The following PCDH15 variants were observed in gnomAD, a reference collection of about 807,000 sequenced individuals.
The protein encoded by PCDH15 is protocadherin-15.
PCDH15 carries 129 observed loss-of-function variants against 178.5 expected under a neutral mutation model. The ratio of observed to expected loss-of-function variants is 0.72; its 90% CI spans 0.63 to 0.84. PCDH15 has a LOEUF of 0.84. Among genes scored for constraint, PCDH15 ranks in the 40% least tolerant of loss-of-function variants. PCDH15 has a pLI of 0.00. For synonymous variants in PCDH15, 800 were observed against 732.0 expected, an observed-to-expected ratio of 1.09 and a Z score of -1.50; for missense variants, 2,230 against 2,099.9, an observed-to-expected ratio of 1.06 and a Z score of -1.21.
chr10:55,496,606 G>A (rs1310898244), intron 2 of PCDH15, among the ~76,000 whole-genome samples: 1 of 151,746 alleles, frequency 6.6e-6, no homozygotes. Context: ...TACAAACCTT[G>A]TGCTGATGAA....
At position 54,354,120 on chromosome 10, in the gene PCDH15, G is replaced by A. The variant is rs565498641; in HGVS notation, c.475-7636C>T. 9.2e-5 allele frequency among the ~76,000 whole-genome samples: 14 copies of A among 152,278 alleles called. No homozygotes were observed. The South Asian group carries it at 2.1e-3, about 23-fold the overall frequency. On this transcript the variant is annotated intron_variant, in intron 5 of 37. Transcript: ENST00000644397. ...CCTGCCTCAGCCTCCCAAGTAGCTG[G>A]GATTACAGGCATGCGCCACCACGCC...
At chr10:54,185,311 T>G in intron 11 of PCDH15, 43 bp from the exon 12 acceptor site, 1 of 1,609,248 alleles carries the variant, frequency 6.2e-7, no homozygotes, top group Non-Finnish European at 8.5e-7. Context: ...GAATAAATAA[T>G]GTAGCTATTA....
Position 54,201,544 on chromosome 10 carries a change from A to C in PCDH15, c.1099-5655T>G, listed in dbSNP as rs115765663. ...ATTTTTCATTAGATTTTTAAATTCCATGAGCATAAACACTGTAAATGTATC... is the reference window on the plus strand; with the variant it reads ...ATTTTTCATTAGATTTTTAAATTCCCTGAGCATAAACACTGTAAATGTATC... On this transcript the variant is annotated intron_variant, in intron 10 of 37. Transcript: ENST00000644397. 6.2e-3 allele frequency among the ~76,000 whole-genome samples: 942 copies of C among 152,192 alleles called. 9 individuals are homozygous for C. Among genetic ancestry groups the C allele is most frequent in the African/African-American group, 0.019 (776 of 41,554 alleles).
chr10:54,528,159 T>C (rs1355910659), intron 2 of PCDH15, among the ~76,000 whole-genome samples: 2 of 151,960 alleles, frequency 1.3e-5, no homozygotes, highest in Non-Finnish European at 2.9e-5. Flanking sequence ...AGGACAGAGA[T>C]AATGGGATGG....
chr10:54,453,303 C>A (rs572885928), intron 3 of PCDH15, among the ~76,000 whole-genome samples: 1 of 152,246 alleles, frequency 6.6e-6, no homozygotes, highest in East Asian at 1.9e-4. Context: ...GGCACATATA[C>A]ACCATGGAAT....
intron 2 of PCDH15, among the ~76,000 whole-genome samples, chr10:54,975,260 G>A (rs375722612): frequency 2.0e-5 from 3 of 152,100 alleles, no homozygotes; most frequent in African/African-American, 7.2e-5. Context: ...TATTCTTGAG[G>A]TCACTCCTTG....
At chr10:54,481,691 A>T (rs952489699) in intron 3 of PCDH15, among the ~76,000 whole-genome samples, 1 of 151,904 alleles carries the variant, frequency 6.6e-6, no homozygotes, top group Non-Finnish European at 1.5e-5. Context: ...ATGGGACTGC[A>T]CATCATTTTA....
At chr10:54,715,077 C>A (rs1286833018) in intron 1 of PCDH15, among the ~76,000 whole-genome samples, 1 of 151,222 alleles carries the variant, frequency 6.6e-6, no homozygotes, top group African/African-American at 2.4e-5. Flanking sequence ...TTTTTTTTCT[C>A]CAAGAGTAAA....
intron 2 of PCDH15, among the ~76,000 whole-genome samples, chr10:54,581,258 A>C (rs1323692748): frequency 6.6e-6 from 1 of 152,128 alleles, no homozygotes; most frequent in Non-Finnish European, 1.5e-5. Flanking sequence ...CAGAATAAAA[A>C]TTCAACATAC....
intron 1 of PCDH15, among the ~76,000 whole-genome samples, chr10:55,285,959 A>C (rs1297682594): frequency 1.3e-5 from 2 of 151,982 alleles, no homozygotes; most frequent in East Asian, 3.9e-4. Context: ...TACACTTGTG[A>C]GAAAAGAAGT....
In PCDH15 at chr10:54,170,534, T is replaced by C. The variant is rs548568055; in HGVS notation, c.1590+12910A>G. Among the ~76,000 whole-genome samples the C allele has an allele frequency of 2.8e-3, 418 of 151,540 alleles. 6 individuals are homozygous for C. The highest frequency in any genetic ancestry group is 9.2e-3 in the African/African-American group (377 of 40,894). The stretch of plus-strand genomic sequence containing the variant: ...ATACCTGATGCATATACTTTCTGCT[T>C]CCCAGCTCCTTCAGCTATACTCACT... On this transcript the variant is annotated intron_variant, in intron 13 of 37. Transcript: ENST00000644397.
At position 53,810,473 on chromosome 10, in the gene PCDH15, A is replaced by G. The variant is rs536773509; in HGVS notation, c.4671+83T>C. On this transcript the variant is annotated intron_variant, in intron 37 of 37. Transcript: ENST00000644397. The stretch of plus-strand genomic sequence containing the variant: ...GTGAAAGGAATTTCTAAAAGCTGAA[A>G]TGTTCTACAGCCGCTAGTCACGTAG... 4 of 1,259,070 alleles carry G rather than the reference A, an allele frequency of 3.2e-6. No individual in the cohort carries two copies. In the South Asian group the frequency reaches 4.8e-5, roughly 15 times the overall value. The allele number at this position is 1,259,070 out of a possible 1,614,324, so 78.0% of individuals were successfully genotyped here. A position where few individuals can be genotyped will look rare whatever the true frequency, so the allele number is the denominator to read the frequency against.
At chr10:54,402,800 C>T (rs1205623438) in intron 3 of PCDH15, among the ~76,000 whole-genome samples, 1 of 151,862 alleles carries the variant, frequency 6.6e-6, no homozygotes, top group Non-Finnish European at 1.5e-5. Context: ...GGCCATTCTC[C>T]CATCTTTCTC....
At chr10:54,748,696 G>A (rs1301595204) in intron 1 of PCDH15, among the ~76,000 whole-genome samples, 4 of 152,106 alleles carry the variant, frequency 2.6e-5, no homozygotes, top group South Asian at 2.1e-4. Flanking sequence ...ACCAGGACCT[G>A]GTAAGGCCTT....
At chr10:54,420,453 G>C (rs756194525) in intron 3 of PCDH15, among the ~76,000 whole-genome samples, 45 of 152,040 alleles carry the variant, frequency 3.0e-4, no homozygotes, top group Non-Finnish European at 4.6e-4. Flanking sequence ...ACAACAAAAA[G>C]ATTATTTCAC....
intron 1 of PCDH15, among the ~76,000 whole-genome samples, chr10:54,732,472 C>A (rs771195594): frequency 6.6e-6 from 1 of 151,428 alleles, no homozygotes; most frequent in African/African-American, 2.4e-5. Flanking sequence ...TTGAAAGACA[C>A]AAGACTCACT....
Position 54,497,261 on chromosome 10 carries a change from C to A in PCDH15, c.157+30551G>T, listed in dbSNP as rs566962767. 6.2e-4 allele frequency among the ~76,000 whole-genome samples: 94 copies of A among 150,556 alleles called. No individual in the cohort carries two copies. The South Asian group carries it at 0.019, about 31-fold the overall frequency. On this transcript the variant is annotated intron_variant, in intron 3 of 37. Transcript: ENST00000644397. ...ACCACAGGAAAAAAAAAAAAACCCT[C>A]AAGGGCACCAAACAATATAAAAGCA...
intron 2 of PCDH15, among the ~76,000 whole-genome samples, chr10:55,558,940 A>G (rs549051088): frequency 3.9e-5 from 6 of 152,136 alleles, no homozygotes; most frequent in South Asian, 2.1e-4. Context: ...AAATCATCAC[A>G]AAGTGAAAAC....
At chr10:55,395,169 G>A (rs1018935982) in intron 2 of PCDH15, among the ~76,000 whole-genome samples, 16 of 67,028 alleles carry the variant, frequency 2.4e-4, no homozygotes, top group South Asian at 1.7e-3. Flanking sequence ...ATTTAACTGC[G>A]TGTGTGTGTG....
Sources: allele counts gnomAD v4.1 joint callset (sites outside exome capture counted in the v4.1 genomes callset), GRCh38; gene constraint gnomAD v4.1.1; transcripts MANE v1.5; gene names NCBI Gene and HGNC (gene_info 2026-07-23, HGNC 2026-07-21).